The following EXOC6B variants were observed in gnomAD, a reference collection of about 807,000 sequenced individuals.
The protein encoded by EXOC6B is SEC15 homolog B.
EXOC6B carries 54 observed loss-of-function variants against 113.5 expected under a neutral mutation model. That is an observed-to-expected ratio of 0.48 (90% CI 0.38 to 0.60). EXOC6B has a LOEUF of 0.60. EXOC6B is among the 20% of genes least tolerant of loss of function. The probability of loss-of-function intolerance (pLI) is 0.00; values close to 1 mark genes in which losing one functional copy is unlikely to be tolerated. For synonymous variants in EXOC6B, 357 were observed against 339.0 expected, an observed-to-expected ratio of 1.05 and a Z score of -0.58; for missense variants, 797 against 977.5, an observed-to-expected ratio of 0.82 and a Z score of 2.46.
intron 11 of EXOC6B, 82 bp downstream of exon 11, chr2:72,513,050 T>C: frequency 6.7e-7 from 1 of 1,486,994 alleles, no homozygotes; most frequent in Non-Finnish European, 9.2e-7. Context: ...AAGACATACA[T>C]ATGTTGATTT....
intron 20 of EXOC6B, among the ~76,000 whole-genome samples, chr2:72,291,248 C>A (rs1322682202): frequency 2.6e-5 from 4 of 152,158 alleles, no homozygotes; most frequent in Non-Finnish European, 5.9e-5. Flanking sequence ...TGCAGCAGCA[C>A]AAGATATCTG....
At chr2:72,795,805 T>C (rs895524677) in intron 1 of EXOC6B, among the ~76,000 whole-genome samples, 1 of 152,100 alleles carries the variant, frequency 6.6e-6, no homozygotes, top group Non-Finnish European at 1.5e-5. Flanking sequence ...GGACCCATTA[T>C]AATCACAAGT....
chr2:72,506,484 C>T (rs929159391), intron 11 of EXOC6B, among the ~76,000 whole-genome samples: 19 of 152,116 alleles, frequency 1.2e-4, no homozygotes, highest in African/African-American at 4.6e-4. Context: ...GTTACCTCAA[C>T]GAAAAGGCAG....
chr2:72,665,294 T>C (rs1675310312), intron 6 of EXOC6B, among the ~76,000 whole-genome samples: 1 of 152,126 alleles, frequency 6.6e-6, no homozygotes, highest in Admixed American at 6.5e-5. Context: ...ATATATTCCA[T>C]GAAAAATTCC....
chr2:72,505,801 G>C (rs537439620), intron 11 of EXOC6B, among the ~76,000 whole-genome samples: 59 of 151,950 alleles, frequency 3.9e-4, no homozygotes, highest in Non-Finnish European at 7.8e-4. Context: ...ATTAGTTTAA[G>C]GAATTCTCTC....
At chr2:72,264,107 A>G (rs983351080) in intron 20 of EXOC6B, among the ~76,000 whole-genome samples, 1 of 152,226 alleles carries the variant, frequency 6.6e-6, no homozygotes, top group African/African-American at 2.4e-5. Flanking sequence ...AGCAGATGTC[A>G]TATACTGTAT....
At chr2:72,813,340 A>G (rs1234402309) in intron 1 of EXOC6B, among the ~76,000 whole-genome samples, 1 of 152,192 alleles carries the variant, frequency 6.6e-6, no homozygotes, top group East Asian at 1.9e-4. Flanking sequence ...CCTCCTGCTC[A>G]GCCTCCCAAA....
intron 8 of EXOC6B, among the ~76,000 whole-genome samples, chr2:72,524,150 T>TAAAAAAAAAAAA (rs372964134): frequency 8.6e-6 from 1 of 116,756 alleles, no homozygotes; most frequent in Non-Finnish European, 1.8e-5. Context: ...ATACAGAGTT[T>TAAAAAAAAAAAA]AAAAAAAAAA....
intron 8 of EXOC6B, among the ~76,000 whole-genome samples, chr2:72,557,214 T>C (rs1420318180): frequency 7.0e-6 from 1 of 142,190 alleles, no homozygotes. Context: ...AGTGTTATTA[T>C]TCTTGGAGAT....
intron 3 of EXOC6B, among the ~76,000 whole-genome samples, chr2:72,732,162 G>A (rs1680680011): frequency 6.6e-6 from 1 of 152,100 alleles, no homozygotes; most frequent in South Asian, 2.1e-4. Context: ...ATGGTGGGGG[G>A]ATAGAGATGG....
intron 1 of EXOC6B, among the ~76,000 whole-genome samples, chr2:72,813,985 T>A (rs1686068802): frequency 6.6e-6 from 1 of 152,142 alleles, no homozygotes; most frequent in African/African-American, 2.4e-5. Flanking sequence ...GAAGCAAGTT[T>A]TGAAAACTGA....
At chr2:72,251,910 A>G (rs1683041962) in intron 20 of EXOC6B, among the ~76,000 whole-genome samples, 1 of 152,148 alleles carries the variant, frequency 6.6e-6, no homozygotes, top group Non-Finnish European at 1.5e-5. Flanking sequence ...CAACAAATCT[A>G]TCAGCACTCT....
intron 1 of EXOC6B, among the ~76,000 whole-genome samples, chr2:72,764,187 A>G (rs1377785169): frequency 1.3e-5 from 2 of 152,004 alleles, no homozygotes; most frequent in Non-Finnish European, 2.9e-5. Context: ...ACCTCATGAT[A>G]CCATATCATT....
chr2:72,317,559 TCACACACACA>T (rs72124979), intron 20 of EXOC6B, among the ~76,000 whole-genome samples: 51 of 140,688 alleles, frequency 3.6e-4, no homozygotes, highest in South Asian at 1.2e-3. Flanking sequence ...TATGAACACA[TCACACACACA>T]CACACACACA....
At chr2:72,370,164 A>AT (rs1306376008) in intron 19 of EXOC6B, among the ~76,000 whole-genome samples, 106 of 152,194 alleles carry the variant, frequency 7.0e-4, no homozygotes, top group African/African-American at 2.5e-3. Flanking sequence ...CAAATTTACA[A>AT]GAAAAAAACA....
intron 18 of EXOC6B, among the ~76,000 whole-genome samples, chr2:72,416,894 T>C (rs1473706119): frequency 6.6e-6 from 1 of 152,146 alleles, no homozygotes; most frequent in Non-Finnish European, 1.5e-5. Context: ...TGCAGGACCT[T>C]GACTGAATCC....
chr2:72,487,504 G>A (rs1699493304), intron 16 of EXOC6B, among the ~76,000 whole-genome samples: 1 of 152,116 alleles, frequency 6.6e-6, no homozygotes, highest in African/African-American at 2.4e-5. Context: ...AGGATCACAG[G>A]CACGTGCCAC....
intron 3 of EXOC6B, among the ~76,000 whole-genome samples, chr2:72,732,831 T>C (rs959524903): frequency 1.3e-5 from 2 of 152,110 alleles, no homozygotes; most frequent in Non-Finnish European, 2.9e-5. Context: ...AGGAAGAGCA[T>C]TACTGTATTA....
chr2:72,621,289 T>C (rs1671728096), intron 6 of EXOC6B, among the ~76,000 whole-genome samples: 1 of 151,932 alleles, frequency 6.6e-6, no homozygotes, highest in African/African-American at 2.4e-5. Context: ...ATAAAGAAAA[T>C]GTGGTATATA....
Sources: gnomAD v4.1 joint callset for allele counts (sites outside exome capture counted in the v4.1 genomes callset) on GRCh38, gnomAD v4.1.1 for gene constraint, MANE v1.5 for transcripts, NCBI Gene and HGNC (gene_info 2026-07-23, HGNC 2026-07-21) for gene names.